The following TSGA10 variants were observed in gnomAD, a reference collection of about 807,000 sequenced individuals.
TSGA10 encodes the protein testis specific 10.
TSGA10 carries 43 observed loss-of-function variants against 96.6 expected under a neutral mutation model. That is an observed-to-expected ratio of 0.44 (90% confidence interval 0.35 to 0.57). The LOEUF (loss-of-function observed/expected upper bound fraction) is 0.57. Among genes scored for constraint, TSGA10 ranks in the 20% least tolerant of loss-of-function variants. The pLI is 0.01. For synonymous variants in TSGA10, 229 were observed against 269.9 expected (o/e 0.85, Z 1.48); for missense variants, 703 against 834.4 (o/e 0.84, Z 1.94).
intron 1 of TSGA10, chr2:99,150,464 CTT>C (rs75507898): frequency 9.1e-3 from 9,794 of 1,076,776 alleles, no homozygotes; most frequent in South Asian, 0.014. Flanking sequence ...TCACTTGTTA[CTT>C]TTTTTTTTTT....
At chr2:99,038,174 C>T (rs1191637841) in intron 16 of TSGA10, among the ~76,000 whole-genome samples, 4 of 151,918 alleles carry the variant, frequency 2.6e-5, no homozygotes, top group Admixed American at 2.0e-4. Flanking sequence ...TGAGACAAAA[C>T]CTTGAAATAC....
At chr2:99,024,146 G>A (rs1023343129) in intron 17 of TSGA10, among the ~76,000 whole-genome samples, 2 of 151,614 alleles carry the variant, frequency 1.3e-5, no homozygotes, top group Non-Finnish European at 2.9e-5. Context: ...GCAGAGTGCA[G>A]TGGCATAATC....
At chr2:99,142,780 C>T (rs1223161150) in intron 1 of TSGA10, among the ~76,000 whole-genome samples, 5 of 152,206 alleles carry the variant, frequency 3.3e-5, no homozygotes, top group Admixed American at 1.3e-4. Flanking sequence ...AATACATTAT[C>T]TAGCATTATT....
intron 16 of TSGA10, among the ~76,000 whole-genome samples, chr2:99,039,567 C>A (rs1008775660): frequency 2.0e-5 from 3 of 151,570 alleles, no homozygotes; most frequent in African/African-American, 7.3e-5. Flanking sequence ...AATATACAAC[C>A]CTTCTAGATT....
intron 2 of TSGA10, among the ~76,000 whole-genome samples, chr2:99,121,335 G>A (rs1306367991): frequency 7.8e-6 from 1 of 127,554 alleles, no homozygotes; most frequent in East Asian, 2.2e-4. Context: ...ATTTGGTATT[G>A]TCACTATTTT....
chr2:99,043,047 A>T (rs2309524), intron 16 of TSGA10, among the ~76,000 whole-genome samples: 53,308 of 151,960 alleles, frequency 0.35, 10,699 homozygotes, highest in African/African-American at 0.55. Flanking sequence ...TCAAGCAACC[A>T]GATGTCATAA....
intron 5 of TSGA10, among the ~76,000 whole-genome samples, chr2:99,110,149 A>G (rs1472902326): frequency 1.3e-5 from 2 of 152,214 alleles, no homozygotes; most frequent in African/African-American, 4.8e-5. Context: ...TGGGCAACAA[A>G]GCAAGACTCC....
intron 10 of TSGA10, among the ~76,000 whole-genome samples, chr2:99,101,477 C>T (rs966414177): frequency 2.2e-4 from 33 of 151,978 alleles, no homozygotes; most frequent in Middle Eastern, 6.8e-3. Flanking sequence ...CCAAGACAAG[C>T]TTTCTTGGAG....
chr2:99,105,476 T>C (rs1228113901), intron 8 of TSGA10, 40 bp from the exon 9 acceptor site: 7 of 1,613,640 alleles, frequency 4.3e-6, no homozygotes, highest in African/African-American at 2.7e-5. Flanking sequence ...GATTTCAATA[T>C]CCCTGAATTT....
At chr2:99,107,562 A>G (rs1435690211) in intron 7 of TSGA10, among the ~76,000 whole-genome samples, 1 of 152,194 alleles carries the variant, frequency 6.6e-6, no homozygotes, top group Non-Finnish European at 1.5e-5. Flanking sequence ...AGCTATATAT[A>G]ACTCACAGGC....
chr2:99,068,782 T>C (rs536742648), intron 15 of TSGA10, 106 bp downstream of exon 15: 1 of 466,732 alleles, frequency 2.1e-6, no homozygotes, highest in East Asian at 3.4e-5. Context: ...ATATACTATG[T>C]ATTAAAGAAA....
chr2:99,099,150 T>C (rs533552093), intron 10 of TSGA10, among the ~76,000 whole-genome samples: 17 of 152,036 alleles, frequency 1.1e-4, no homozygotes, highest in Non-Finnish European at 2.1e-4. Context: ...ACATCTCTAC[T>C]AAAAATACAA....
chr2:99,012,590 A>T (rs2079095335), intron 20 of TSGA10, among the ~76,000 whole-genome samples: 1 of 152,216 alleles, frequency 6.6e-6, no homozygotes, highest in African/African-American at 2.4e-5. Context: ...AAAGAGGGAC[A>T]TTATATAATG....
chr2:99,147,505 A>C lies in TSGA10; in HGVS notation c.-621+7188T>G, dbSNP rs749522940. 19 of 1,613,230 alleles carry C rather than the reference A, an allele frequency of 1.2e-5. 1 individual carries two copies. Among genetic ancestry groups the C allele is most frequent in the Middle Eastern group, 3.3e-4 (2 of 6,074 alleles). ...CTGGGGAAGTTAAGGTAAGACTCAC[A>C]GGGCCAAGTCTACCCTATTATACTT... On this transcript the variant is annotated intron_variant, in intron 1 of 20. Transcript: ENST00000393483.
At chr2:99,109,606 A>G (rs900589887) in intron 5 of TSGA10, 94 bp from the exon 6 acceptor site, 13 of 1,032,996 alleles carry the variant, frequency 1.3e-5, no homozygotes, top group Non-Finnish European at 1.6e-5. Flanking sequence ...AAACTATAGC[A>G]TCATTTTCTA....
intron 10 of TSGA10, among the ~76,000 whole-genome samples, chr2:99,101,776 G>A (rs574023345): frequency 6.6e-6 from 1 of 152,178 alleles, no homozygotes; most frequent in Non-Finnish European, 1.5e-5. Flanking sequence ...ATTATGCTAA[G>A]TGAAATAAGA....
rs1171915691 is a variant in TSGA10 at position 99,035,276 on chromosome 2, T to A, written c.1568A>T (p.Glu523Val). Reference protein sequence around the residue: ...ELCIKLDSSKELLNRQLVAKD... With the variant: ...ELCIKLDSSKVLLNRQLVAKD... Reference sequence around the variant, plus strand: ...AGCAACCAGCTGTCGATTAAGAAGTTCTTTGCTTGAGTCAAGTTTAATACA... The same window carrying A: ...AGCAACCAGCTGTCGATTAAGAAGTACTTTGCTTGAGTCAAGTTTAATACA... Residue 523 changes from glutamate (E) to valine (V), a missense_variant, in exon 17 of 21, where the codon GAA becomes GTA. By Grantham distance (121) the Glu-to-Val change is moderately radical. Coordinates refer to ENST00000393483, the MANE Select transcript of TSGA10 (RefSeq NM_025244.4). 6.2e-7 allele frequency: 1 copy of A among 1,612,102 alleles called. No individual in the cohort carries two copies. Among genetic ancestry groups the A allele is most frequent in the African/African-American group, 1.3e-5 (1 of 74,898 alleles).
chr2:99,049,775 A>C (rs2083195885), intron 16 of TSGA10, among the ~76,000 whole-genome samples: 2 of 152,118 alleles, frequency 1.3e-5, no homozygotes, highest in Non-Finnish European at 2.9e-5. Flanking sequence ...CTAGAGAAAC[A>C]AAAAGTGAGA....
Position 99,105,376 on chromosome 2 carries a change from C to G in TSGA10, c.442G>C (p.Glu148Gln). 1 of 1,611,448 alleles carries G rather than the reference C, an allele frequency of 6.2e-7. No individual in the cohort carries two copies. Among genetic ancestry groups the G allele is most frequent in the South Asian group, 1.1e-5 (1 of 91,054 alleles). Residue 148 changes from glutamate to glutamine, a missense_variant, in exon 9 of 21, where the codon GAG becomes CAG. This residue lies in a region of TSGA10 where 585 missense variants were observed against 656.8 expected (regional missense o/e 0.89). Transcript: ENST00000393483. ...TTTTTTACATTATGAACTGTACACT[C>G]CAGCTCCTCTATCCTTTGTTCCAGG... Reference protein sequence around the residue: ...AHLEQRIEELECTVHNLDDER... With the variant: ...AHLEQRIEELQCTVHNLDDER...
Sources: allele counts gnomAD v4.1 joint callset (sites outside exome capture counted in the v4.1 genomes callset), GRCh38; gene constraint gnomAD v4.1.1; regional missense constraint gnomAD v4.1.1; transcripts MANE v1.5; gene names NCBI Gene and HGNC (gene_info 2026-07-23, HGNC 2026-07-21).